Variants in ACBD6 observed in about 807,000 individuals in gnomAD.
The protein encoded by ACBD6 is acyl-CoA binding domain containing 6.
In ACBD6, 28 loss-of-function variants were observed where a neutral mutation model predicts 37.2. The observed-to-expected ratio is 0.75, with a 90% confidence interval of 0.56 to 1.03. The LOEUF is 1.03. Ranked by LOEUF, ACBD6 falls within the 50% of genes least tolerant of loss-of-function variation. The pLI is 0.00. For synonymous variants in ACBD6, 113 were observed against 126.8 expected, an observed-to-expected ratio of 0.89 and a Z score of 0.73; for missense variants, 340 against 337.4, an observed-to-expected ratio of 1.01 and a Z score of -0.06.
intron 6 of ACBD6, among the ~76,000 whole-genome samples, chr1:180,334,087 G>A (rs908033764): frequency 9.8e-5 from 15 of 152,316 alleles, no homozygotes; most frequent in Admixed American, 5.2e-4. Context: ...CCACCTCTGC[G>A]GGCAGGGCAT....
At chr1:180,366,804 A>C (rs1653070977) in intron 6 of ACBD6, among the ~76,000 whole-genome samples, 1 of 152,218 alleles carries the variant, frequency 6.6e-6, no homozygotes, top group Non-Finnish European at 1.5e-5. Context: ...AATATAGAAG[A>C]TATGAGGAAC....
chr1:180,288,191 G>C (rs1186540302), downstream of ACBD6: 17 of 844,874 alleles, frequency 2.0e-5, no homozygotes, highest in Non-Finnish European at 3.0e-5. Context: ...GTACTGCCTA[G>C]AATGTATGCA....
intron 4 of ACBD6, among the ~76,000 whole-genome samples, chr1:180,415,717 T>C (rs942106378): frequency 6.6e-6 from 1 of 152,200 alleles, no homozygotes; most frequent in South Asian, 2.1e-4. Context: ...TATTCACAGA[T>C]GAGAGGACCT....
At chr1:180,375,782 AG>A (rs758243393) in intron 6 of ACBD6, among the ~76,000 whole-genome samples, 3 of 152,220 alleles carry the variant, frequency 2.0e-5, no homozygotes, top group Non-Finnish European at 4.4e-5. Context: ...TCTCTTGAAA[AG>A]GCTTTTAATT....
At chr1:180,419,023 G>A (rs995921222) in intron 4 of ACBD6, among the ~76,000 whole-genome samples, 5 of 152,318 alleles carry the variant, frequency 3.3e-5, no homozygotes, top group Non-Finnish European at 4.4e-5. Context: ...AGGCCGAGGC[G>A]GGTGGATCAC....
chr1:180,301,143 A>C (rs985158572), intron 7 of ACBD6, among the ~76,000 whole-genome samples: 1 of 152,182 alleles, frequency 6.6e-6, no homozygotes, highest in Non-Finnish European at 1.5e-5. Context: ...TTTACACAGA[A>C]ACAATAACAC....
intron 7 of ACBD6, among the ~76,000 whole-genome samples, chr1:180,306,951 T>A (rs967006350): frequency 6.6e-6 from 1 of 152,156 alleles, no homozygotes; most frequent in African/African-American, 2.4e-5. Flanking sequence ...GTTTGGAGGT[T>A]CCTCAAAGAA....
chr1:180,460,607 G>A (rs1477219721), intron 3 of ACBD6, among the ~76,000 whole-genome samples: 7 of 152,324 alleles, frequency 4.6e-5, no homozygotes, highest in East Asian at 1.9e-4. Context: ...CACAGCCTTC[G>A]CTGGTGATAC....
At chr1:180,290,796 T>C (rs1649670209) in intron 7 of ACBD6, among the ~76,000 whole-genome samples, 1 of 152,210 alleles carries the variant, frequency 6.6e-6, no homozygotes, top group African/African-American at 2.4e-5. Flanking sequence ...GAACTGTCTC[T>C]GCTGGCTCAG....
intron 6 of ACBD6, among the ~76,000 whole-genome samples, chr1:180,388,103 G>A (rs1653915783): frequency 6.6e-6 from 1 of 151,542 alleles, no homozygotes; most frequent in African/African-American, 2.4e-5. Flanking sequence ...GTGAACCCAG[G>A]AGGCGGAGCT....
chr1:180,430,705 T>TAAA (rs11422663), intron 3 of ACBD6, among the ~76,000 whole-genome samples: 1 of 141,026 alleles, frequency 7.1e-6, no homozygotes, highest in Non-Finnish European at 1.6e-5. Flanking sequence ...GTTTTTGGGT[T>TAAA]AAAAAAAAAA....
intron 7 of ACBD6, among the ~76,000 whole-genome samples, chr1:180,289,685 CATATAA>C (rs771277859): frequency 4.6e-5 from 7 of 152,110 alleles, no homozygotes; most frequent in Non-Finnish European, 1.0e-4. Context: ...TTAATGGTAA[CATATAA>C]ATAAAGTATT....
At chr1:180,485,388 C>CA (rs1274083410) in intron 3 of ACBD6, among the ~76,000 whole-genome samples, 1 of 152,116 alleles carries the variant, frequency 6.6e-6, no homozygotes, top group African/African-American at 2.4e-5. Context: ...AGGATCTTGG[C>CA]AGATGTAAGT....
chr1:180,307,251 G>T (rs1389998647), intron 7 of ACBD6, among the ~76,000 whole-genome samples: 1 of 152,178 alleles, frequency 6.6e-6, no homozygotes, highest in East Asian at 1.9e-4. Context: ...AATATGCCAG[G>T]CACAGAAAGG....
intron 6 of ACBD6, among the ~76,000 whole-genome samples, chr1:180,364,960 T>G (rs1014390605): frequency 1.3e-5 from 2 of 152,084 alleles, no homozygotes; most frequent in Admixed American, 6.6e-5. Context: ...GTCTCAATCT[T>G]CTGACCTCGT....
chr1:180,379,566 C>A (rs1653564367), intron 6 of ACBD6, among the ~76,000 whole-genome samples: 1 of 151,850 alleles, frequency 6.6e-6, no homozygotes, highest in Non-Finnish European at 1.5e-5. Flanking sequence ...TAAAAAAGAA[C>A]TAAACAGAAA....
At chr1:180,328,967 A>G (rs953748163) in intron 6 of ACBD6, among the ~76,000 whole-genome samples, 1 of 152,186 alleles carries the variant, frequency 6.6e-6, no homozygotes, top group African/African-American at 2.4e-5. Flanking sequence ...GAGGGAGTAT[A>G]TATCAGTAGA....
chr1:180,314,212 A>G (rs755372188), intron 7 of ACBD6, among the ~76,000 whole-genome samples: 2 of 152,190 alleles, frequency 1.3e-5, no homozygotes, highest in Non-Finnish European at 2.9e-5. Context: ...AAATGTGACC[A>G]TAAGAATTTT....
chr1:180,395,533 T>C (rs1383317850), intron 6 of ACBD6, among the ~76,000 whole-genome samples: 2 of 152,172 alleles, frequency 1.3e-5, no homozygotes, highest in Non-Finnish European at 2.9e-5. Context: ...ATGCCTATGT[T>C]ACCACTTCTA....
Sources: gnomAD v4.1 joint callset for allele counts (sites outside exome capture counted in the v4.1 genomes callset) on GRCh38, gnomAD v4.1.1 for gene constraint, MANE v1.5 for transcripts, NCBI Gene and HGNC (gene_info 2026-07-23, HGNC 2026-07-21) for gene names.